The following STYX variants were observed in gnomAD, a reference collection of about 807,000 sequenced individuals.
STYX encodes serine/threonine/tyrosine-interacting protein.
In STYX, 20 loss-of-function variants were observed where a neutral mutation model predicts 42.7. The ratio of observed to expected loss-of-function variants is 0.47; its 90% CI spans 0.33 to 0.68. The LOEUF is 0.68. Among genes scored for constraint, STYX ranks in the 30% least tolerant of loss-of-function variants. The pLI is 0.02. For missense variants in STYX, 226 were observed against 268.5 expected, an observed-to-expected ratio of 0.84 and a Z score of 1.11; for synonymous variants, 78 against 81.9, an observed-to-expected ratio of 0.95 and a Z score of 0.26.
intron 1 of STYX, among the ~76,000 whole-genome samples, chr14:52,737,408 A>AT (rs1387961209): frequency 2.0e-5 from 3 of 152,158 alleles, no homozygotes; most frequent in African/African-American, 7.2e-5. Flanking sequence ...TGATCGAAAG[A>AT]TTTTCACTTG....
rs147104596 is a variant in STYX, at chr14:52,756,490, T to G, written c.243-61T>G. ...GTTAACAAGAAATAATGAGTTATTTTTTTAAAGTACCTTAAGTGTTTTACT... is the reference window on the plus strand; with the variant it reads ...GTTAACAAGAAATAATGAGTTATTTGTTTAAAGTACCTTAAGTGTTTTACT... On this transcript the variant is annotated intron_variant, in intron 4 of 10. Transcript: ENST00000354586. 3.6e-4 allele frequency: 351 copies of G among 983,050 alleles called. 2 individuals are homozygous for G. The East Asian group carries it at 8.6e-3, about 24-fold the overall frequency. The allele number at this position is 983,050 out of a possible 1,614,324, so 60.9% of individuals were successfully genotyped here. A position where few individuals can be genotyped will look rare whatever the true frequency, so the allele number is the denominator to read the frequency against.
At chr14:52,765,583 T>G (rs1184677304) in intron 9 of STYX, among the ~76,000 whole-genome samples, 1 of 152,178 alleles carries the variant, frequency 6.6e-6, no homozygotes, top group Non-Finnish European at 1.5e-5. Flanking sequence ...GTGAATTGAT[T>G]TGTATCAGGA....
intron 5 of STYX, among the ~76,000 whole-genome samples, chr14:52,757,113 T>C (rs1881903264): frequency 1.3e-5 from 2 of 152,250 alleles, no homozygotes; most frequent in Admixed American, 1.3e-4. Flanking sequence ...GGAATCATAT[T>C]GTGAATGTAT....
intron 4 of STYX, among the ~76,000 whole-genome samples, chr14:52,753,718 A>C (rs1881726685): frequency 6.6e-6 from 1 of 151,610 alleles, no homozygotes; most frequent in Admixed American, 6.6e-5. Context: ...TATTATTTTT[A>C]GTGTTGTATT....
At chr14:52,753,190 C>A (rs760220577) in intron 4 of STYX, among the ~76,000 whole-genome samples, 5 of 151,382 alleles carry the variant, frequency 3.3e-5, no homozygotes, top group Non-Finnish European at 5.9e-5. Context: ...GCTGAGATTA[C>A]AGGTGCCCAC....
chr14:52,731,993 T>G (rs1230073249), intron 1 of STYX, among the ~76,000 whole-genome samples: 9 of 149,446 alleles, frequency 6.0e-5, no homozygotes, highest in Non-Finnish European at 1.2e-4. Context: ...TCCAGGCTGG[T>G]CTCGAACTCT....
At chr14:52,743,648 C>T (rs1881283180) in intron 1 of STYX, among the ~76,000 whole-genome samples, 2 of 152,144 alleles carry the variant, frequency 1.3e-5, no homozygotes, top group African/African-American at 4.8e-5. Flanking sequence ...AAATGGAATT[C>T]CTTGTACTAT....
rs576951202 is a variant in STYX at position 52,733,950 on chromosome 14, C to T, written c.57+3419C>T. Reference sequence around the variant, plus strand: ...CGAATCTTCTTGGGTCCAAATACCCCCTAGAACTTTCCCATTGGCCATTCC... The same window carrying T: ...CGAATCTTCTTGGGTCCAAATACCCTCTAGAACTTTCCCATTGGCCATTCC... On this transcript the variant is annotated intron_variant, in intron 1 of 10. Transcript: ENST00000354586. 2.8e-4 allele frequency among the ~76,000 whole-genome samples: 42 copies of T among 152,294 alleles called. 1 individual carries two copies. In the South Asian group the frequency reaches 7.0e-3, roughly 26 times the overall value.
chr14:52,750,813 T>A, intron 4 of STYX, 33 bp downstream of exon 4: 2 of 1,391,562 alleles, frequency 1.4e-6, no homozygotes, highest in Non-Finnish European at 2.0e-6. Context: ...GTAAAACACT[T>A]AATGAAGTTT....
intron 1 of STYX, among the ~76,000 whole-genome samples, chr14:52,737,212 A>G (rs935995970): frequency 5.9e-5 from 9 of 152,216 alleles, no homozygotes; most frequent in Non-Finnish European, 1.3e-4. Context: ...TCATATTTCA[A>G]TGCATATAAG....
rs145074014 is a variant in STYX, at chr14:52,749,199, C to G, written c.145-1484C>G. On this transcript the variant is annotated intron_variant, in intron 3 of 10. Coordinates refer to ENST00000354586, the MANE Select transcript of STYX (RefSeq NM_145251.4). ...CACGGCCAAGAGAACGAGTTCTTGC[C>G]TCTTCTTACAAGGGTACAATCCTGT... Among the ~76,000 whole-genome samples the G allele has an allele frequency of 2.1e-3, 317 of 152,258 alleles. 1 individual carries two copies. The highest frequency in any genetic ancestry group is 7.5e-3 in the African/African-American group (310 of 41,536).
At chr14:52,747,293 T>C (rs1254976) in intron 3 of STYX, among the ~76,000 whole-genome samples, 96,767 of 152,048 alleles carry the variant, frequency 0.64, 31,105 homozygotes, top group African/African-American at 0.73. Flanking sequence ...GAACATATCA[T>C]AGATGTCTTT....
rs756696107 is a variant in STYX, at chr14:52,744,904, G to A, written c.90+20G>A. 3 of 1,611,734 alleles carry A rather than the reference G, an allele frequency of 1.9e-6. No individual in the cohort carries two copies. The highest frequency in any genetic ancestry group is 2.5e-6 in the Non-Finnish European group (3 of 1,179,030). On this transcript the variant is annotated intron_variant, in intron 2 of 10. Coordinates refer to ENST00000354586, the MANE Select transcript of STYX (RefSeq NM_145251.4). ...ATGCAGGTATGGCAACCTTTTCTTT[G>A]TTCAAACCAACCCATGTTATTATCA...
At chr14:52,750,569 G>T in intron 3 of STYX, 114 bp from the exon 4 acceptor site, 1 of 677,668 alleles carries the variant, frequency 1.5e-6, no homozygotes, top group East Asian at 3.0e-5. Flanking sequence ...CTGGACTTAA[G>T]CAGAGATGTG....
At chr14:52,731,348 T>C (rs190180264) in intron 1 of STYX, among the ~76,000 whole-genome samples, 6 of 152,044 alleles carry the variant, frequency 3.9e-5, no homozygotes, top group Non-Finnish European at 7.4e-5. Flanking sequence ...TTTAAAGTAG[T>C]TGGGAAAAAT....
intron 9 of STYX, among the ~76,000 whole-genome samples, chr14:52,767,361 C>T (rs976744984): frequency 3.5e-4 from 53 of 152,174 alleles, no homozygotes; most frequent in Admixed American, 3.5e-3. Flanking sequence ...TGCAAACATT[C>T]AATCCCATAA....
In STYX at chr14:52,746,496, A is replaced by G; in HGVS notation, c.144+17A>G. ...AAAAGCAAGGTATGAACTTTGTTAG[A>G]TTCATCAAGAGAGACTTTTATTAAC... On this transcript the variant is annotated intron_variant, in intron 3 of 10. Coordinates refer to ENST00000354586, the MANE Select transcript of STYX (RefSeq NM_145251.4). 1.3e-6 allele frequency: 2 copies of G among 1,550,382 alleles called. No individual in the cohort carries two copies. Among genetic ancestry groups the G allele is most frequent in the Non-Finnish European group, 1.7e-6 (2 of 1,158,998 alleles).
intron 9 of STYX, among the ~76,000 whole-genome samples, chr14:52,766,064 A>C (rs1260358925): frequency 6.6e-6 from 1 of 152,114 alleles, no homozygotes; most frequent in Non-Finnish European, 1.5e-5. Context: ...TGGCGCGATC[A>C]TGGTTCACTG....
rs1881757791 is a variant in STYX, at chr14:52,754,221, T to G, written c.243-2330T>G. Among the ~76,000 whole-genome samples the G allele has an allele frequency of 2.0e-5, 3 of 151,920 alleles. No individual in the cohort carries two copies. The South Asian group carries it at 6.2e-4, about 32-fold the overall frequency. ...TTATAATTATGAAAGAAATACTTTT[T>G]TTTTTTTCAAAGATAGGATCTTTCT... On this transcript the variant is annotated intron_variant, in intron 4 of 10. Transcript: ENST00000354586.
Sources: allele counts gnomAD v4.1 joint callset (sites outside exome capture counted in the v4.1 genomes callset), GRCh38; gene constraint gnomAD v4.1.1; transcripts MANE v1.5; gene names NCBI Gene and HGNC (gene_info 2026-07-23, HGNC 2026-07-21).